KIF26B: variants seen among roughly 807,000 people sequenced by gnomAD.
The protein encoded by KIF26B is kinesin-like protein KIF26B.
Under a neutral mutation model 151.2 loss-of-function variants are expected in KIF26B, and 63 were observed. The observed-to-expected ratio is 0.42, with a 90% CI of 0.34 to 0.51. The LOEUF (loss-of-function observed/expected upper bound fraction) is 0.51, where lower values mean the gene tolerates loss of function less well. Among genes scored for constraint, KIF26B ranks in the 20% least tolerant of loss-of-function variants. KIF26B has a pLI of 0.07. For synonymous variants in KIF26B, 1,357 were observed against 1,262.1 expected (o/e 1.08, Z -1.59); for missense variants, 2,813 against 2,913.6 (o/e 0.97, Z 0.79).
At chr1:245,282,691 G>T (rs1304462011) in intron 2 of KIF26B, 1 of 158,554 alleles carries the variant, frequency 6.3e-6, no homozygotes, top group East Asian at 1.9e-4. Flanking sequence ...TACCTAGCTG[G>T]TATCTGGGGC....
chr1:245,698,117 C>T lies in KIF26B; in HGVS notation c.5836C>T (p.Arg1946Trp), dbSNP rs147351205. Residue 1946 changes from arginine to tryptophan, a missense_variant, in exon 13 of 15, where the codon CGG (arginine) becomes TGG (tryptophan). Arg to Trp is a moderately radical substitution (Grantham distance 101). This residue lies in a region of KIF26B where 2,060 missense variants were observed against 2,088.6 expected (regional missense o/e 0.99). Coordinates refer to ENST00000407071, the MANE Select transcript of KIF26B (RefSeq NM_018012.4). The surrounding 1 kb of genome is among the most constrained non-coding windows in gnomAD (Gnocchi z 4.0). ...KKRSNPGSQRRRLIPALSLDT... is the reference protein window; with the variant it reads ...KKRSNPGSQRWRLIPALSLDT... ...ATCCCCCTCCTCAGGTTCTCAGAGA[C>T]GGAGGCTTATCCCAGCACTATCCCT... 1,223 of 1,613,734 alleles carry T rather than the reference C, an allele frequency of 7.6e-4. 15 individuals carry two copies. Among genetic ancestry groups the T allele is most frequent in the Non-Finnish European group, 1.7e-4 (206 of 1,179,750 alleles).
intron 5 of KIF26B, among the ~76,000 whole-genome samples, chr1:245,562,006 C>G (rs565914769): frequency 6.6e-6 from 1 of 152,122 alleles, no homozygotes; most frequent in Non-Finnish European, 1.5e-5. Flanking sequence ...CTCCCAGGGC[C>G]GTTGCGGATT....
intron 2 of KIF26B, among the ~76,000 whole-genome samples, chr1:245,179,350 G>A (rs990745546): frequency 6.6e-6 from 1 of 152,160 alleles, no homozygotes; most frequent in Non-Finnish European, 1.5e-5. Flanking sequence ...GAGGCCGGGC[G>A]CAGTGGCTCA....
At chr1:245,432,127 C>G (rs983121903) in intron 4 of KIF26B, among the ~76,000 whole-genome samples, 1 of 152,078 alleles carries the variant, frequency 6.6e-6, no homozygotes, top group Non-Finnish European at 1.5e-5. Context: ...GCACCCCTCC[C>G]TCTCGCGTGG....
chr1:245,699,616 CT>C, intron 14 of KIF26B, among the ~76,000 whole-genome samples: 1 of 21,870 alleles, frequency 4.6e-5, no homozygotes, highest in Non-Finnish European at 1.9e-4. Flanking sequence ...ATTCAATTGT[CT>C]TGTCTTATTA....
At chr1:245,461,153 C>CT (rs1179961600) in intron 4 of KIF26B, among the ~76,000 whole-genome samples, 2 of 152,126 alleles carry the variant, frequency 1.3e-5, no homozygotes, top group Non-Finnish European at 2.9e-5. Flanking sequence ...TGAAGCAGTC[C>CT]TGGAAGAAAA....
At chr1:245,193,232 A>G (rs1032302564) in intron 2 of KIF26B, among the ~76,000 whole-genome samples, 1 of 152,212 alleles carries the variant, frequency 6.6e-6, no homozygotes, top group Non-Finnish European at 1.5e-5. Context: ...TTGGCTGCAT[A>G]GTGTTCCATG....
At chr1:245,161,659 T>G (rs1274374087) in intron 2 of KIF26B, among the ~76,000 whole-genome samples, 1 of 152,132 alleles carries the variant, frequency 6.6e-6, no homozygotes, top group Non-Finnish European at 1.5e-5. Flanking sequence ...ATCTCATATA[T>G]TAAAATGAAG....
At chr1:245,276,501 A>T (rs1303431758) in intron 2 of KIF26B, among the ~76,000 whole-genome samples, 1 of 152,142 alleles carries the variant, frequency 6.6e-6, no homozygotes, top group East Asian at 1.9e-4. Flanking sequence ...CATTTCCTTT[A>T]TTCTCAGCAT....
At chr1:245,627,243 T>C in intron 9 of KIF26B, among the ~76,000 whole-genome samples, 1 of 152,184 alleles carries the variant, frequency 6.6e-6, no homozygotes, top group East Asian at 1.9e-4. Flanking sequence ...TTAAATTCCA[T>C]GAAGAATGTC....
intron 2 of KIF26B, among the ~76,000 whole-genome samples, chr1:245,173,649 T>C (rs1477012034): frequency 1.3e-5 from 2 of 152,218 alleles, no homozygotes; most frequent in Non-Finnish European, 2.9e-5. Flanking sequence ...CAGCCCTTCC[T>C]GCTCCCCGGC....
intron 2 of KIF26B, among the ~76,000 whole-genome samples, chr1:245,359,079 C>T (rs542234364): frequency 5.3e-5 from 8 of 151,772 alleles, no homozygotes; most frequent in Non-Finnish European, 1.0e-4. Flanking sequence ...AGTGCAGTGG[C>T]GCAGTCTCGG....
intron 10 of KIF26B, among the ~76,000 whole-genome samples, chr1:245,679,938 C>A (rs1321797125): frequency 1.3e-5 from 2 of 152,062 alleles, no homozygotes; most frequent in African/African-American, 4.8e-5. Flanking sequence ...ATAGCCAGGG[C>A]CCCCCAACCC....
intron 2 of KIF26B, among the ~76,000 whole-genome samples, chr1:245,315,086 A>G (rs1379536018): frequency 2.6e-5 from 4 of 152,162 alleles, no homozygotes; most frequent in African/African-American, 9.7e-5. Flanking sequence ...AGGCTGAGGC[A>G]GGAGAATTGC....
chr1:245,473,535 C>CT (rs1390332944), intron 4 of KIF26B, among the ~76,000 whole-genome samples: 1 of 147,160 alleles, frequency 6.8e-6, no homozygotes, highest in Non-Finnish European at 1.6e-5. Context: ...CACTCACTTG[C>CT]TTTTTAAATG....
intron 5 of KIF26B, among the ~76,000 whole-genome samples, chr1:245,575,897 C>T (rs1435886004): frequency 1.3e-5 from 2 of 152,092 alleles, no homozygotes; most frequent in African/African-American, 4.8e-5. Flanking sequence ...TTTGCCTCCT[C>T]CCCTTCCTGG....
At position 245,167,745 on chromosome 1, in the gene KIF26B, G is replaced by A. The variant is rs1668638144; in HGVS notation, c.465+11062G>A. On this transcript the variant is annotated intron_variant, in intron 2 of 14. Coordinates refer to ENST00000407071, the MANE Select transcript of KIF26B (RefSeq NM_018012.4). This position sits in a 1 kb window ranked among gnomAD's most constrained non-coding sequence, Gnocchi z 4.2. ...CTCAGTCCTAAGCAGGTGGCAGAGT[G>A]TCTTCCCCATGGTACCATGGCTGGG... Among the ~76,000 whole-genome samples, 1 of 152,116 alleles carries A rather than the reference G, an allele frequency of 6.6e-6. No individual in the cohort carries two copies. The highest frequency in any genetic ancestry group is 2.4e-5 in the African/African-American group (1 of 41,430).
In KIF26B at chr1:245,250,276, G is replaced by A. The variant is rs139916134; in HGVS notation, c.465+93593G>A. 1.6e-3 allele frequency among the ~76,000 whole-genome samples: 238 copies of A among 152,104 alleles called. 1 individual carries two copies. Among genetic ancestry groups the A allele is most frequent in the African/African-American group, 5.5e-3 (229 of 41,498 alleles). ...ATTATATATAGTAAAGTACAATACCGTATATTTTGTATGCTTTAAAATTAT... is the reference window on the plus strand; with the variant it reads ...ATTATATATAGTAAAGTACAATACCATATATTTTGTATGCTTTAAAATTAT... On this transcript the variant is annotated intron_variant, in intron 2 of 14. Transcript: ENST00000407071.
intron 9 of KIF26B, among the ~76,000 whole-genome samples, chr1:245,638,136 G>A (rs2043854122): frequency 6.6e-6 from 1 of 151,680 alleles, no homozygotes; most frequent in Admixed American, 6.6e-5. Flanking sequence ...TTGAGCATGG[G>A]ATATTTTTCC....
Sources: allele counts gnomAD v4.1 joint callset (sites outside exome capture counted in the v4.1 genomes callset), GRCh38; gene constraint gnomAD v4.1.1; regional missense constraint gnomAD v4.1.1; non-coding constraint Gnocchi (gnomAD v3.1); transcripts MANE v1.5; gene names NCBI Gene and HGNC (gene_info 2026-07-23, HGNC 2026-07-21).